Variants in CSF2RB observed in about 807,000 individuals in gnomAD.
The protein encoded by CSF2RB is cytokine receptor common subunit beta.
In CSF2RB, 22 loss-of-function variants were observed where a neutral mutation model predicts 67.2. The observed-to-expected ratio is 0.33, with a 90% CI of 0.23 to 0.47. The LOEUF (loss-of-function observed/expected upper bound fraction) is 0.47. Ranked by LOEUF, CSF2RB falls within the 20% of genes least tolerant of loss-of-function variation. The probability of loss-of-function intolerance (pLI) is 1.00; values close to 1 mark genes in which losing one functional copy is unlikely to be tolerated. For synonymous variants in CSF2RB, 507 were observed against 482.9 expected, an observed-to-expected ratio of 1.05 and a Z score of -0.65; for missense variants, 1,113 against 1,174.5, an observed-to-expected ratio of 0.95 and a Z score of 0.76.
Position 36,938,477 on chromosome 22 carries a change from T to C in CSF2RB, c.2669T>C (p.Val890Ala). 6.2e-7 allele frequency: 1 copy of C among 1,613,304 alleles called. No homozygotes were observed. The highest frequency in any genetic ancestry group is 8.5e-7 in the Non-Finnish European group (1 of 1,179,722). ...TACCTGTCTCTGCCCCCTTGGGAGG[T>C]CAACAAGCCTGGGGAGGTGTGTTGA... ...QDYLSLPPWE[V>A]NKPGEVC The change falls in exon 14 of 14, where the codon GTC (valine) becomes GCC (alanine). Residue 890 changes from valine to alanine, a missense_variant. This residue lies in a region of CSF2RB where 554 missense variants were observed against 517.9 expected (regional missense o/e 1.07). Transcript: ENST00000403662.
chr22:36,928,344 G>A (rs555996762), intron 4 of CSF2RB, among the ~76,000 whole-genome samples: 23 of 152,248 alleles, frequency 1.5e-4, no homozygotes, highest in Admixed American at 2.6e-4. Context: ...GGGCTCTGCC[G>A]GGAAGAGCTC....
intron 2 of CSF2RB, chr22:36,922,586 C>T: frequency 1.9e-6 from 1 of 538,178 alleles, no homozygotes; most frequent in Non-Finnish European, 3.4e-6. Context: ...CCCTCCTTCC[C>T]CAGCAGACAC....
At chr22:36,913,999 G>A (rs1012309529) in intron 1 of CSF2RB, among the ~76,000 whole-genome samples, 36 of 152,042 alleles carry the variant, frequency 2.4e-4, no homozygotes, top group African/African-American at 8.5e-4. Flanking sequence ...GAGAGCTCAG[G>A]CCTGGGAGTC....
chr22:36,929,586 A>C (rs1215671191), intron 5 of CSF2RB, 27 bp downstream of exon 5: 16 of 1,614,136 alleles, frequency 9.9e-6, no homozygotes, highest in African/African-American at 1.3e-5. Context: ...GCTCTGCCCC[A>C]GCCCGAAGGG....
chr22:36,918,139 G>A (rs1940766523), intron 1 of CSF2RB, among the ~76,000 whole-genome samples: 1 of 151,830 alleles, frequency 6.6e-6, no homozygotes, highest in South Asian at 2.1e-4. Context: ...AGTGTTACAG[G>A]TTTATTTACC....
chr22:36,919,636 C>T (rs1940805855), intron 1 of CSF2RB, among the ~76,000 whole-genome samples: 1 of 151,768 alleles, frequency 6.6e-6, no homozygotes, highest in Non-Finnish European at 1.5e-5. Context: ...GTCTCAAACT[C>T]CTGACCTCAA....
intron 1 of CSF2RB, among the ~76,000 whole-genome samples, chr22:36,918,143 A>C (rs4821563): frequency 0.65 from 98,080 of 151,436 alleles, 32,752 homozygotes; most frequent in East Asian, 0.94. Context: ...TTACAGGTTT[A>C]TTTACCTCAG....
chr22:36,937,256 T>G lies in CSF2RB; in HGVS notation c.1569-121T>G. On this transcript the variant is annotated intron_variant, in intron 13 of 13. Coordinates refer to ENST00000403662, the MANE Select transcript of CSF2RB (RefSeq NM_000395.3). This position sits in a 1 kb window ranked among gnomAD's most constrained non-coding sequence, Gnocchi z 4.6. ...CCCTGTCCCGTTCAGGTTCTCTCTG[T>G]GAGATCTGGGGGACATCAGGGCTTC... The G allele has an allele frequency of 7.8e-5, 98 of 1,253,328 alleles. No homozygotes were observed. Among genetic ancestry groups the G allele is most frequent in the Non-Finnish European group, 1.0e-4 (89 of 881,316 alleles). 77.6% of individuals were successfully genotyped at this position (1,253,328 alleles called of 1,614,324 possible).
In CSF2RB at chr22:36,937,286, G is replaced by C; in HGVS notation, c.1569-91G>C. ...TCTGGGGGACATCAGGGCTTCCAGA[G>C]AACCATCTCCACCCCACCAAGACCC... On this transcript the variant is annotated intron_variant, in intron 13 of 13. Transcript: ENST00000403662. The surrounding 1 kb of genome is among the most constrained non-coding windows in gnomAD (Gnocchi z 4.6). 1 of 1,503,308 alleles carries C rather than the reference G, an allele frequency of 6.7e-7. No homozygotes were observed. The highest frequency in any genetic ancestry group is 1.7e-5 in the Admixed American group (1 of 58,908). The allele number at this position is 1,503,308 out of a possible 1,614,324, so 93.1% of individuals were successfully genotyped here.
intron 4 of CSF2RB, 49 bp from the exon 5 acceptor site, chr22:36,929,353 G>GC: frequency 6.2e-7 from 1 of 1,613,426 alleles, no homozygotes; most frequent in Non-Finnish European, 8.5e-7. Flanking sequence ...GGCCCTGACT[G>GC]CCCCCCAGCG....
chr22:36,922,702 C>A, intron 2 of CSF2RB: 1 of 324,554 alleles, frequency 3.1e-6, no homozygotes, highest in Non-Finnish European at 5.9e-6. Flanking sequence ...TGCCTGAAGC[C>A]CGCACTGGGA....
At chr22:36,936,738 C>A in intron 13 of CSF2RB, 86 bp downstream of exon 13, 3 of 1,173,894 alleles carry the variant, frequency 2.6e-6, no homozygotes, top group Non-Finnish European at 3.7e-6. Flanking sequence ...TCAAGTGAGG[C>A]TGCCTGTGGC....
At position 36,938,665 on chromosome 22, in the gene CSF2RB, A is replaced by C; in HGVS notation, c.*163A>C. ...GCTCCGGCCCCCTTGACCTTCAGCA[A>C]ATCACTTCTCTCCCTGCGCTCACAC... is the stretch of plus-strand genomic sequence containing the variant. On this transcript the variant is annotated 3_prime_UTR_variant, in exon 14 of 14. Coordinates refer to ENST00000403662, the MANE Select transcript of CSF2RB (RefSeq NM_000395.3). 1.5e-6 allele frequency: 1 copy of C among 675,716 alleles called. No individual in the cohort carries two copies. Among genetic ancestry groups the C allele is most frequent in the Non-Finnish European group, 2.5e-6 (1 of 406,810 alleles). The allele number at this position is 675,716 out of a possible 1,614,324, so 41.9% of individuals were successfully genotyped here.
chr22:36,922,048 C>A lies in CSF2RB; in HGVS notation c.-160C>A. Reference sequence around the variant, plus strand: ...TCTCCTTCTGCAGGCCTGGAGGAGGCAGAGGCCAGGAGGGAGAGGTCCCAA... The same window carrying A: ...TCTCCTTCTGCAGGCCTGGAGGAGGAAGAGGCCAGGAGGGAGAGGTCCCAA... On this transcript the variant is annotated 5_prime_UTR_variant, in exon 2 of 14. Coordinates refer to ENST00000403662, the MANE Select transcript of CSF2RB (RefSeq NM_000395.3). 1 of 654,158 alleles carries A rather than the reference C, an allele frequency of 1.5e-6. No homozygotes were observed. The highest frequency in any genetic ancestry group is 2.7e-6 in the Non-Finnish European group (1 of 364,962). 40.5% of individuals were successfully genotyped at this position (654,158 alleles called of 1,614,324 possible). A position where few individuals can be genotyped will look rare whatever the true frequency, so the allele number is the denominator to read the frequency against.
At chr22:36,932,705 G>A (rs1339069209) in intron 8 of CSF2RB, 60 bp from the exon 9 acceptor site, 19 of 1,584,390 alleles carry the variant, frequency 1.2e-5, no homozygotes, top group South Asian at 4.5e-5. Context: ...CATGAGACAC[G>A]GGGAATGTTC....
intron 9 of CSF2RB, 68 bp from the exon 10 acceptor site, chr22:36,933,764 G>C: frequency 1.3e-6 from 2 of 1,542,160 alleles, no homozygotes; most frequent in South Asian, 2.4e-5. Flanking sequence ...CGAGGGTCCA[G>C]GTGGGAGGGA....
rs375445081 is a variant in CSF2RB at position 36,917,723 on chromosome 22, G to A, written c.-173+4046G>A. Among the ~76,000 whole-genome samples the A allele has an allele frequency of 1.6e-3, 250 of 152,228 alleles. 1 individual carries two copies. The highest frequency in any genetic ancestry group is 3.1e-3 in the Non-Finnish European group (209 of 68,008). On this transcript the variant is annotated intron_variant, in intron 1 of 13. Coordinates refer to ENST00000403662, the MANE Select transcript of CSF2RB (RefSeq NM_000395.3). ...CAGATCACTTGAGGCCAGGAGTTGAGACCAACCTGGCCAACATGGTGAAAC... is the reference window on the plus strand; with the variant it reads ...CAGATCACTTGAGGCCAGGAGTTGAAACCAACCTGGCCAACATGGTGAAAC...
intron 4 of CSF2RB, among the ~76,000 whole-genome samples, chr22:36,928,999 A>G (rs1211304673): frequency 6.6e-6 from 1 of 152,130 alleles, no homozygotes; most frequent in East Asian, 1.9e-4. Context: ...TGACAACAGG[A>G]AGGACCCTGG....
Position 36,938,620 on chromosome 22 carries a change from CT to C in CSF2RB, c.*119del. 1 of 1,147,256 alleles carries C rather than the reference CT, an allele frequency of 8.7e-7. No homozygotes were observed. The highest frequency in any genetic ancestry group is 1.2e-6 in the Non-Finnish European group (1 of 828,714). The allele number at this position is 1,147,256 out of a possible 1,614,324, so 71.1% of individuals were successfully genotyped here. On this transcript the variant is annotated 3_prime_UTR_variant, in exon 14 of 14. Transcript: ENST00000403662. The stretch of plus-strand genomic sequence containing the variant: ...GCCTCCTGTCAAGGTAGCTAGAGGC[CT>C]GGGAAAGGAGATAGCCTTGCTCCGG...
Sources: gnomAD v4.1 joint callset for allele counts (sites outside exome capture counted in the v4.1 genomes callset) on GRCh38, gnomAD v4.1.1 for gene constraint, gnomAD v4.1.1 regional missense constraint, Gnocchi (gnomAD v3.1) non-coding constraint, MANE v1.5 for transcripts, NCBI Gene and HGNC (gene_info 2026-07-23, HGNC 2026-07-21) for gene names.